The following COLGALT1 variants were observed in gnomAD, a reference collection of about 807,000 sequenced individuals.
COLGALT1 encodes collagen beta(1-O)galactosyltransferase 1, also known as procollagen galactosyltransferase 1.
A neutral mutation model predicts 60.8 loss-of-function variants in COLGALT1; 43 were observed. The observed-to-expected ratio is 0.71, with a 90% CI of 0.55 to 0.91. The LOEUF is 0.91. Among genes scored for constraint, COLGALT1 ranks in the 40% least tolerant of loss-of-function variants. The pLI is 0.00. For synonymous variants in COLGALT1, 369 were observed against 374.2 expected, an observed-to-expected ratio of 0.99 and a Z score of 0.16; for missense variants, 845 against 880.0, an observed-to-expected ratio of 0.96 and a Z score of 0.50.
chr19:17,563,689 CT>C (rs2076262894), intron 3 of COLGALT1, among the ~76,000 whole-genome samples: 2 of 152,158 alleles, frequency 1.3e-5, no homozygotes, highest in Middle Eastern at 6.8e-3. Flanking sequence ...CAGGGTTTCA[CT>C]ATGCTGACCA....
At chr19:17,566,517 G>A (rs1290496336) in intron 3 of COLGALT1, among the ~76,000 whole-genome samples, 1 of 152,040 alleles carries the variant, frequency 6.6e-6, no homozygotes, top group Non-Finnish European at 1.5e-5. Context: ...AGGTGCAGTG[G>A]CTCAGACCTG....
chr19:17,580,792 C>A lies in COLGALT1; in HGVS notation c.1488C>A (p.Thr496=). Residue 496 remains threonine (T), a synonymous_variant, in exon 11 of 12, where the codon ACC becomes ACA. Coordinates refer to ENST00000252599, the MANE Select transcript of COLGALT1 (RefSeq NM_024656.4). ...NLVEADYSYW[T]LAYVISLQGA... ...TGGAGGCCGACTATTCCTACTGGAC[C>A]CTGGCCTACGTGATCTCCCTGCAAG... 1 of 1,614,064 alleles carries A rather than the reference C, an allele frequency of 6.2e-7. No individual in the cohort carries two copies. Among genetic ancestry groups the A allele is most frequent in the Non-Finnish European group, 8.5e-7 (1 of 1,180,010 alleles).
At chr19:17,574,444 C>T (rs548517174) in intron 6 of COLGALT1, among the ~76,000 whole-genome samples, 1 of 152,032 alleles carries the variant, frequency 6.6e-6, no homozygotes, top group South Asian at 2.1e-4. Flanking sequence ...GATTCCCCTG[C>T]CTCAGCCTCC....
At position 17,568,605 on chromosome 19, in the gene COLGALT1, G is replaced by C. The variant is rs370797013; in HGVS notation, c.721G>C (p.Asp241His). The change falls in exon 5 of 12, where the codon GAC becomes CAC. Residue 241 changes from aspartate (D) to histidine (H), a missense_variant. By Grantham distance (81) the Asp-to-His change is moderately conservative. Coordinates refer to ENST00000252599, the MANE Select transcript of COLGALT1 (RefSeq NM_024656.4). ...CATGGTGCACTCGACCTTCCTGATC[G>C]ACCTGCGGAAGGCGGCGTCCAGGAA... ...VPMVHSTFLI[D>H]LRKAASRNLA... is the part of the protein sequence containing the mutation. 3.7e-6 allele frequency: 6 copies of C among 1,614,162 alleles called. No homozygotes were observed. Among genetic ancestry groups the C allele is most frequent in the Non-Finnish European group, 5.1e-6 (6 of 1,180,032 alleles).
chr19:17,575,338 TG>T (rs1005723250), intron 6 of COLGALT1, among the ~76,000 whole-genome samples: 106 of 152,290 alleles, frequency 7.0e-4, no homozygotes, highest in African/African-American at 2.3e-3. Flanking sequence ...CTCCGCTTCC[TG>T]GGTTCACGCC....
At chr19:17,563,419 A>G (rs998676077) in intron 3 of COLGALT1, among the ~76,000 whole-genome samples, 4 of 150,904 alleles carry the variant, frequency 2.7e-5, no homozygotes, top group African/African-American at 9.7e-5. Context: ...GTGCGATCTC[A>G]GCTCACTGCA....
rs2076205946 is a variant in COLGALT1 at position 17,555,729 on chromosome 19, C to CGCGCGGGCCGGCG, written c.25_37dup (p.Gln13ProfsTer88). ...GCGTGGCGCGATGGCGGCGGCCCCACGCGCGGGCCGGCGGCGCGGGCAGCC... is the reference window on the plus strand; with the variant it reads ...GCGTGGCGCGATGGCGGCGGCCCCACGCGCGGGCCGGCGGCGCGGGCCGGCGGCGCGGGCAGCC... On this transcript the variant is annotated frameshift_variant, in exon 1 of 12. Coordinates refer to ENST00000252599, the MANE Select transcript of COLGALT1 (RefSeq NM_024656.4). LOFTEE classifies it high-confidence loss of function. The CGCGCGGGCCGGCG allele has an allele frequency of 8.3e-7, 1 of 1,198,620 alleles. No homozygotes were observed. Among genetic ancestry groups the CGCGCGGGCCGGCG allele is most frequent in the Non-Finnish European group, 1.0e-6 (1 of 967,462 alleles). The allele number at this position is 1,198,620 out of a possible 1,614,324, so 74.2% of individuals were successfully genotyped here. A position where few individuals can be genotyped will look rare whatever the true frequency, so the allele number is the denominator to read the frequency against.
At chr19:17,567,373 G>T (rs2076285533) in intron 3 of COLGALT1, 33 bp from the exon 4 acceptor site, 2 of 1,611,316 alleles carry the variant, frequency 1.2e-6, no homozygotes, top group African/African-American at 1.3e-5. Flanking sequence ...TGACCTGGCA[G>T]CCCATGCTGA....
At position 17,562,918 on chromosome 19, in the gene COLGALT1, A is replaced by G. The variant is rs1365950253; in HGVS notation, c.489+2453A>G. On this transcript the variant is annotated intron_variant, in intron 3 of 11. Transcript: ENST00000252599. ...GGACCCTTTCGCTTGGTGCCTTATC[A>G]GACCATTTTATAGGTGAGGAAACAG... is the stretch of plus-strand genomic sequence containing the variant. 2.0e-5 allele frequency among the ~76,000 whole-genome samples: 3 copies of G among 152,114 alleles called. No individual in the cohort carries two copies. The East Asian group carries it at 5.8e-4, about 29-fold the overall frequency.
chr19:17,579,020 AAAAT>A (rs1198690328), intron 9 of COLGALT1, among the ~76,000 whole-genome samples: 2 of 152,106 alleles, frequency 1.3e-5, no homozygotes, highest in Admixed American at 6.6e-5. Context: ...CAAAAAAAGA[AAAAT>A]AAAATCCGGG....
intron 1 of COLGALT1, among the ~76,000 whole-genome samples, chr19:17,557,551 C>T (rs1351003150): frequency 2.0e-5 from 3 of 152,060 alleles, no homozygotes; most frequent in Non-Finnish European, 2.9e-5. Context: ...CTGCCTGCCT[C>T]GGCCTCCCTA....
In COLGALT1 at chr19:17,579,508, G is replaced by A. The variant is rs956016450; in HGVS notation, c.1293G>A (p.Ser431=). ...TGGTGGACCGGGGGCTGCAGAAATC[G>A]CTTGTGTTTGAGGATGACCTGCGTT... ...KEVVDRGLQK[S]LVFEDDLRFE... Residue 431 remains serine (S), a synonymous_variant, in exon 10 of 12, where the codon TCG becomes TCA. Transcript: ENST00000252599. 6.8e-6 allele frequency: 11 copies of A among 1,614,006 alleles called. No individual in the cohort carries two copies. The South Asian group carries it at 7.7e-5, about 11-fold the overall frequency.
intron 4 of COLGALT1, among the ~76,000 whole-genome samples, chr19:17,567,828 CCT>C (rs2076288736): frequency 6.6e-6 from 1 of 151,758 alleles, no homozygotes; most frequent in Admixed American, 6.6e-5. Context: ...ACATGCCTGT[CCT>C]CCCAGCTGCT....
chr19:17,579,575 G>A lies in COLGALT1; in HGVS notation c.1360G>A (p.Asp454Asn). 1 of 1,604,026 alleles carries A rather than the reference G, an allele frequency of 6.2e-7. No individual in the cohort carries two copies. Among genetic ancestry groups the A allele is most frequent in the South Asian group, 1.1e-5 (1 of 90,990 alleles). ...FKRRLMNLMRDVEREGLDWDL... is the reference protein window; with the variant it reads ...FKRRLMNLMRNVEREGLDWDL... ...GAGACGTCTGATGAACCTCATGCGGGATGTGGAGCGGGAGGGCCTGGACTG... is the reference window on the plus strand; with the variant it reads ...GAGACGTCTGATGAACCTCATGCGGAATGTGGAGCGGGAGGGCCTGGACTG... The change falls in exon 10 of 12, where the codon GAT becomes AAT. Residue 454 changes from aspartate (D) to asparagine (N), a missense_variant. Physicochemically the swap from Asp to Asn is conservative, Grantham distance 23. Transcript: ENST00000252599.
chr19:17,561,653 A>T (rs1356484424), intron 3 of COLGALT1, among the ~76,000 whole-genome samples: 1 of 149,816 alleles, frequency 6.7e-6, no homozygotes, highest in Non-Finnish European at 1.5e-5. Context: ...AAAAAAAAAA[A>T]AAACAGACTT....
At position 17,559,355 on chromosome 19, in the gene COLGALT1, G is replaced by T; in HGVS notation, c.305G>T (p.Arg102Leu). 2 of 1,552,594 alleles carry T rather than the reference G, an allele frequency of 1.3e-6. No individual in the cohort carries two copies. Among genetic ancestry groups the T allele is most frequent in the East Asian group, 2.4e-5 (1 of 41,024 alleles). Residue 102 changes from arginine to leucine, a missense_variant, in exon 2 of 12, where the codon CGG becomes CTG. Transcript: ENST00000252599. ...HNMDNTSTVL[R>L]EWLVAVKSLY... ...ATGGATAACACGTCAACTGTGCTGC[G>T]GGAGTGGCTGGTGGCCGTGAAGAGT...
At position 17,577,394 on chromosome 19, in the gene COLGALT1, C is replaced by A; in HGVS notation, c.1060C>A (p.Arg354=). 1 of 1,574,300 alleles carries A rather than the reference C, an allele frequency of 6.4e-7. No homozygotes were observed. ...FMINLRRRQD[R]RERMLRALQA... ...GATCAACCTGAGGCGGCGGCAGGAC[C>A]GGCGGGAGCGCATGCTGCGGGCGCT... Residue 354 remains arginine (R), a synonymous_variant, in exon 8 of 12, where the codon CGG becomes AGG. Transcript: ENST00000252599.
At chr19:17,580,287 C>G (rs1465964600) in intron 10 of COLGALT1, 1 of 237,466 alleles carries the variant, frequency 4.2e-6, no homozygotes, top group Non-Finnish European at 8.3e-6. Context: ...TCTTTTTTCC[C>G]TTCCATGTGC....
Position 17,555,743 on chromosome 19 carries a change from G to T in COLGALT1, c.30G>T (p.Arg10=). The T allele has an allele frequency of 8.3e-7, 1 of 1,208,838 alleles. No homozygotes were observed. The highest frequency in any genetic ancestry group is 1.0e-6 in the Non-Finnish European group (1 of 973,978). The allele number at this position is 1,208,838 out of a possible 1,614,324, so 74.9% of individuals were successfully genotyped here. A position where few individuals can be genotyped will look rare whatever the true frequency, so the allele number is the denominator to read the frequency against. The change falls in exon 1 of 12, where the codon CGG becomes CGT. Residue 10 remains arginine (R), a synonymous_variant. Coordinates refer to ENST00000252599, the MANE Select transcript of COLGALT1 (RefSeq NM_024656.4). MAAAPRAGR[R]RGQPLLALLL... is the part of the protein sequence containing the mutation. ...CGGCGGCCCCACGCGCGGGCCGGCG[G>T]CGCGGGCAGCCGCTCCTGGCGCTGC...
Sources: gnomAD v4.1 joint callset for allele counts (sites outside exome capture counted in the v4.1 genomes callset) on GRCh38, gnomAD v4.1.1 for gene constraint, MANE v1.5 for transcripts, NCBI Gene and HGNC (gene_info 2026-07-23, HGNC 2026-07-21) for gene names.